The following PRLR variants were observed in gnomAD, a reference collection of about 807,000 sequenced individuals.
The protein encoded by PRLR is prolactin receptor.
In PRLR, 13 loss-of-function variants were observed where a neutral mutation model predicts 40.2. The observed-to-expected ratio is 0.32, with a 90% CI of 0.21 to 0.51. PRLR has a LOEUF of 0.51. Ranked by LOEUF, PRLR falls within the 20% of genes least tolerant of loss-of-function variation. The pLI is 0.97. For missense variants in PRLR, 656 were observed against 747.3 expected (o/e 0.88, Z 1.42); for synonymous variants, 269 against 278.7 (o/e 0.97, Z 0.35).
At chr5:35,174,085 CG>C (rs1775076114) in intron 1 of PRLR, among the ~76,000 whole-genome samples, 5 of 134,072 alleles carry the variant, frequency 3.7e-5, no homozygotes, top group Admixed American at 1.5e-4. Flanking sequence ...ACTGGGTGTT[CG>C]GTTTTTTTTT....
chr5:35,096,606 A>C (rs1354486060), intron 2 of PRLR, among the ~76,000 whole-genome samples: 1 of 151,716 alleles, frequency 6.6e-6, no homozygotes, highest in African/African-American at 2.4e-5. Flanking sequence ...AGTGTCTTAA[A>C]ATTTCTTTTC....
intron 9 of PRLR, among the ~76,000 whole-genome samples, chr5:35,066,865 G>GC (rs1769409441): frequency 6.7e-6 from 1 of 148,214 alleles, no homozygotes; most frequent in South Asian, 2.1e-4. Flanking sequence ...CCGGGTTCAC[G>GC]CCATTCTCCT....
chr5:35,113,149 T>C (rs1219899868), intron 2 of PRLR, among the ~76,000 whole-genome samples: 3 of 144,676 alleles, frequency 2.1e-5, no homozygotes. Context: ...CACCCATTTA[T>C]CCATCCATCT....
chr5:35,168,302 TA>T (rs1164928682), intron 1 of PRLR, among the ~76,000 whole-genome samples: 1 of 151,536 alleles, frequency 6.6e-6, no homozygotes, highest in East Asian at 1.9e-4. Flanking sequence ...AACATGAAAA[TA>T]AAAAATTAGT....
chr5:35,164,131 T>A (rs1417923291), intron 1 of PRLR, among the ~76,000 whole-genome samples: 3 of 152,232 alleles, frequency 2.0e-5, no homozygotes, highest in South Asian at 4.1e-4. Context: ...GGATTAGATA[T>A]AAATAACTGT....
chr5:35,197,794 C>T (rs539653574), intron 1 of PRLR, among the ~76,000 whole-genome samples: 2 of 152,384 alleles, frequency 1.3e-5, no homozygotes, highest in East Asian at 3.9e-4. Flanking sequence ...TGCAGCAGAT[C>T]TCTGAGAGGA....
rs1038300176 is a variant in PRLR, at chr5:35,055,902, C to T, written c.*9187G>A. The T allele has an allele frequency of 2.0e-5, 3 of 152,156 alleles. No homozygotes were observed. The highest frequency in any genetic ancestry group is 7.2e-5 in the African/African-American group (3 of 41,444). 9.4% of individuals were successfully genotyped at this position (152,156 alleles called of 1,614,324 possible). A position where few individuals can be genotyped will look rare whatever the true frequency, so the allele number is the denominator to read the frequency against. ...TAATTTTTAATAACTTTATAAGGAG[C>T]AAATGTGTCACCTTAAAAATGTACC... On this transcript the variant is annotated 3_prime_UTR_variant, in exon 10 of 10. Coordinates refer to ENST00000618457, the MANE Select transcript of PRLR (RefSeq NM_000949.7).
intron 1 of PRLR, among the ~76,000 whole-genome samples, chr5:35,205,595 G>A (rs1775995728): frequency 6.6e-6 from 1 of 152,138 alleles, no homozygotes; most frequent in Non-Finnish European, 1.5e-5. Context: ...AGAAGACTGG[G>A]CAGTGGTGAA....
At position 35,065,687 on chromosome 5, in the gene PRLR, T is replaced by A. The variant is rs1394421046; in HGVS notation, c.1271A>T (p.His424Leu). Residue 424 changes from histidine to leucine, a missense_variant, in exon 10 of 10, where the codon CAC becomes CTC. His to Leu is a moderately conservative substitution (Grantham distance 99). This residue lies in a region of PRLR where 469 missense variants were observed against 491.5 expected (regional missense o/e 0.95). Transcript: ENST00000618457. ...ATTGTGGTAAGAGGATCTGGGGTTGTGCTGGCTGGGCTGTGGTAAGGGCCA... is the reference window on the plus strand; with the variant it reads ...ATTGTGGTAAGAGGATCTGGGGTTGAGCTGGCTGGGCTGTGGTAAGGGCCA... ...STWPLPQPSQ[H>L]NPRSSYHNIT... The A allele has an allele frequency of 1.2e-6, 2 of 1,614,174 alleles. No individual in the cohort carries two copies. Among genetic ancestry groups the A allele is most frequent in the Non-Finnish European group, 1.7e-6 (2 of 1,180,016 alleles).
At chr5:35,145,825 A>C (rs1774168842) in intron 1 of PRLR, among the ~76,000 whole-genome samples, 1 of 151,726 alleles carries the variant, frequency 6.6e-6, no homozygotes, top group Non-Finnish European at 1.5e-5. Context: ...AACTGCATAC[A>C]AAATAGTCTG....
At position 35,116,521 on chromosome 5, in the gene PRLR, G is replaced by T. The variant is rs536889791; in HGVS notation, c.-44+1540C>A. Among the ~76,000 whole-genome samples, 3 of 152,288 alleles carry T rather than the reference G, an allele frequency of 2.0e-5. No individual in the cohort carries two copies. The East Asian group carries it at 5.8e-4, about 29-fold the overall frequency. On this transcript the variant is annotated intron_variant, in intron 2 of 9. Transcript: ENST00000618457. Reference sequence around the variant, plus strand: ...AATTTTCCGGGAGCTTTGCAACACAGCTCTGACTACTGGGTGCTTTCTGAC... The same window carrying T: ...AATTTTCCGGGAGCTTTGCAACACATCTCTGACTACTGGGTGCTTTCTGAC...
chr5:35,170,375 A>C (rs1304447078), intron 1 of PRLR, among the ~76,000 whole-genome samples: 1 of 152,016 alleles, frequency 6.6e-6, no homozygotes, highest in African/African-American at 2.4e-5. Flanking sequence ...TCTTCCTAGG[A>C]CTCTTTATTC....
intron 2 of PRLR, among the ~76,000 whole-genome samples, chr5:35,108,625 A>T (rs1772432813): frequency 6.6e-6 from 1 of 152,222 alleles, no homozygotes; most frequent in Non-Finnish European, 1.5e-5. Flanking sequence ...ATTGCTTCAA[A>T]GAGAATAAAA....
At chr5:35,164,949 G>A (rs1409133700) in intron 1 of PRLR, among the ~76,000 whole-genome samples, 1 of 152,146 alleles carries the variant, frequency 6.6e-6, no homozygotes, top group African/African-American at 2.4e-5. Flanking sequence ...TTTCTGGTTT[G>A]GGTCTCTGTG....
intron 2 of PRLR, among the ~76,000 whole-genome samples, chr5:35,104,829 T>C (rs1772124709): frequency 6.6e-6 from 1 of 152,210 alleles, no homozygotes; most frequent in Admixed American, 6.5e-5. Context: ...CAGAAACTTC[T>C]GCAGACTTAA....
rs1165267581 is a variant in PRLR, at chr5:35,064,541, A to G, written c.*548T>C. The G allele has an allele frequency of 6.5e-6, 1 of 152,738 alleles. No individual in the cohort carries two copies. The highest frequency in any genetic ancestry group is 2.4e-5 in the African/African-American group (1 of 41,456). 9.5% of individuals were successfully genotyped at this position (152,738 alleles called of 1,614,324 possible). A position where few individuals can be genotyped will look rare whatever the true frequency, so the allele number is the denominator to read the frequency against. Reference sequence around the variant, plus strand: ...ATTATTTCTTACTTGCATATCAGCAATGTGTCAGTAAGGTATAGGAACTTA... The same window carrying G: ...ATTATTTCTTACTTGCATATCAGCAGTGTGTCAGTAAGGTATAGGAACTTA... On this transcript the variant is annotated 3_prime_UTR_variant, in exon 10 of 10. Coordinates refer to ENST00000618457, the MANE Select transcript of PRLR (RefSeq NM_000949.7).
chr5:35,098,776 G>A (rs937635445), intron 2 of PRLR, among the ~76,000 whole-genome samples: 1 of 152,114 alleles, frequency 6.6e-6, no homozygotes, highest in African/African-American at 2.4e-5. Flanking sequence ...CAGGGGGAAG[G>A]GAACATCAGG....
In PRLR at chr5:35,066,596, C is replaced by T. The variant is rs572191743; in HGVS notation, c.856-494G>A. On this transcript the variant is annotated intron_variant, in intron 9 of 9. Coordinates refer to ENST00000618457, the MANE Select transcript of PRLR (RefSeq NM_000949.7). ...TCTTATTTCCCCTTCCCTTCTCCTCCCTCTTCCTAATCTACTGTTTTCTTC... is the reference window on the plus strand; with the variant it reads ...TCTTATTTCCCCTTCCCTTCTCCTCTCTCTTCCTAATCTACTGTTTTCTTC... 1.8e-3 allele frequency among the ~76,000 whole-genome samples: 273 copies of T among 151,780 alleles called. 1 individual carries two copies. Among genetic ancestry groups the T allele is most frequent in the African/African-American group, 6.2e-3 (257 of 41,382 alleles).
At chr5:35,198,225 T>C (rs1218402087) in intron 1 of PRLR, among the ~76,000 whole-genome samples, 1 of 152,242 alleles carries the variant, frequency 6.6e-6, no homozygotes, top group Non-Finnish European at 1.5e-5. Flanking sequence ...TGAGAAGGCT[T>C]GCCCCAGGAA....
Sources: allele counts gnomAD v4.1 joint callset (sites outside exome capture counted in the v4.1 genomes callset), GRCh38; gene constraint gnomAD v4.1.1; regional missense constraint gnomAD v4.1.1; transcripts MANE v1.5; gene names NCBI Gene and HGNC (gene_info 2026-07-23, HGNC 2026-07-21).